Variants in PLXDC2 observed in about 807,000 individuals in gnomAD.
The protein encoded by PLXDC2 is plexin domain containing 2.
PLXDC2 carries 40 observed loss-of-function variants against 68.9 expected under a neutral mutation model. That is an observed-to-expected ratio of 0.58 (90% CI 0.45 to 0.76). The LOEUF (loss-of-function observed/expected upper bound fraction) is 0.76. Among genes scored for constraint, PLXDC2 ranks in the 30% least tolerant of loss-of-function variants. The pLI, the probability that PLXDC2 is intolerant of heterozygous loss-of-function variation, is 0.00. For missense variants in PLXDC2, 644 were observed against 661.9 expected (o/e 0.97, Z 0.30); for synonymous variants, 243 against 234.2 (o/e 1.04, Z -0.34).
At chr10:20,241,277 C>T (rs1588537965) in intron 12 of PLXDC2, among the ~76,000 whole-genome samples, 4 of 152,272 alleles carry the variant, frequency 2.6e-5, no homozygotes, top group East Asian at 3.9e-4. Context: ...TTGTTATATT[C>T]CAAACATTGG....
chr10:20,090,924 T>C (rs997409838), intron 4 of PLXDC2, among the ~76,000 whole-genome samples: 1 of 152,222 alleles, frequency 6.6e-6, no homozygotes, highest in South Asian at 2.1e-4. Flanking sequence ...GGTATTTTCC[T>C]TAGAAAATGC....
At chr10:20,057,938 G>T (rs1319505701) in intron 3 of PLXDC2, among the ~76,000 whole-genome samples, 1 of 151,728 alleles carries the variant, frequency 6.6e-6, no homozygotes, top group Non-Finnish European at 1.5e-5. Flanking sequence ...AAAAAGATGT[G>T]GGGGGCTCTT....
intron 6 of PLXDC2, among the ~76,000 whole-genome samples, chr10:20,159,998 T>A (rs1055073427): frequency 1.3e-5 from 2 of 152,212 alleles, no homozygotes; most frequent in Non-Finnish European, 2.9e-5. Flanking sequence ...CTATAGGTTT[T>A]ATGTTCACTT....
chr10:19,909,954 T>A (rs11594747), intron 1 of PLXDC2, among the ~76,000 whole-genome samples: 11,857 of 152,156 alleles, frequency 0.078, 529 homozygotes, highest in Non-Finnish European at 0.1. Context: ...ACCCCAAAAT[T>A]CTACTTGCAC....
intron 7 of PLXDC2, among the ~76,000 whole-genome samples, chr10:20,172,397 G>A (rs1351198760): frequency 3.3e-5 from 5 of 152,098 alleles, no homozygotes; most frequent in African/African-American, 1.2e-4. Context: ...TCACAGGCCC[G>A]CAGCCCACCT....
intron 12 of PLXDC2, among the ~76,000 whole-genome samples, chr10:20,242,567 T>C (rs1479910262): frequency 6.6e-6 from 1 of 152,184 alleles, no homozygotes; most frequent in Non-Finnish European, 1.5e-5. Context: ...CTGTAACCTA[T>C]TTCCAAAAGC....
At chr10:20,199,780 A>C (rs1301083492) in intron 9 of PLXDC2, among the ~76,000 whole-genome samples, 1 of 151,978 alleles carries the variant, frequency 6.6e-6, no homozygotes, top group Non-Finnish European at 1.5e-5. Flanking sequence ...TCAGAGAAGA[A>C]TTAAATGTGT....
chr10:20,008,374 G>A (rs1361613658), intron 2 of PLXDC2, among the ~76,000 whole-genome samples: 2 of 152,148 alleles, frequency 1.3e-5, no homozygotes, highest in Non-Finnish European at 2.9e-5. Flanking sequence ...GGCCAACATA[G>A]TGAAACCCTG....
chr10:20,194,250 A>G (rs1439550130), intron 9 of PLXDC2, among the ~76,000 whole-genome samples: 1 of 147,294 alleles, frequency 6.8e-6, no homozygotes, highest in Non-Finnish European at 1.5e-5. Context: ...CTCAAGCATG[A>G]AGTTTTTAAA....
intron 1 of PLXDC2, among the ~76,000 whole-genome samples, chr10:19,862,128 A>G (rs1270274774): frequency 6.6e-6 from 1 of 152,074 alleles, no homozygotes; most frequent in African/African-American, 2.4e-5. Flanking sequence ...AAAAGAATAT[A>G]ATAATTAAAA....
At chr10:19,992,104 A>T (rs1461637025) in intron 1 of PLXDC2, among the ~76,000 whole-genome samples, 1 of 152,236 alleles carries the variant, frequency 6.6e-6, no homozygotes, top group Admixed American at 6.5e-5. Flanking sequence ...CTAAACTATC[A>T]TAGCACATGA....
At chr10:20,117,398 T>C (rs919111953) in intron 4 of PLXDC2, among the ~76,000 whole-genome samples, 3 of 152,196 alleles carry the variant, frequency 2.0e-5, no homozygotes, top group African/African-American at 7.2e-5. Context: ...GATTATCTTA[T>C]GTGTTTGTGT....
intron 1 of PLXDC2, among the ~76,000 whole-genome samples, chr10:20,000,919 C>T (rs972690112): frequency 6.6e-6 from 1 of 152,170 alleles, no homozygotes; most frequent in Admixed American, 6.5e-5. Context: ...ATTTCCAATA[C>T]TTGTGGCATG....
chr10:19,821,033 T>C (rs1052985213), intron 1 of PLXDC2, among the ~76,000 whole-genome samples: 1 of 152,086 alleles, frequency 6.6e-6, no homozygotes, highest in Non-Finnish European at 1.5e-5. Flanking sequence ...CGAGCCGAGA[T>C]TGCACCATTG....
At chr10:19,857,840 A>G (rs1433221501) in intron 1 of PLXDC2, among the ~76,000 whole-genome samples, 1 of 152,212 alleles carries the variant, frequency 6.6e-6, no homozygotes, top group South Asian at 2.1e-4. Context: ...CCCAATTTAT[A>G]ATGAATCAAC....
rs71200986 is a variant in PLXDC2 at position 20,149,229 on chromosome 10, CTTTTTTT to C, written c.783+1347_783+1353del. ...ATTTTTCTTTCTTTTTTTTTCTTTT[CTTTTTTT>C]TTTTTTTTTTTTTTTTTTTGAGTTG... On this transcript the variant is annotated intron_variant, in intron 6 of 13. Transcript: ENST00000377252. Among the ~76,000 whole-genome samples, 7 of 34,938 alleles carry C rather than the reference CTTTTTTT, an allele frequency of 2.0e-4. No individual in the cohort carries two copies. The Admixed American group carries it at 2.8e-3, about 14-fold the overall frequency. 22.9% of individuals were successfully genotyped at this position (34,938 alleles called of 152,430 possible). A position where few individuals can be genotyped will look rare whatever the true frequency, so the allele number is the denominator to read the frequency against.
intron 1 of PLXDC2, among the ~76,000 whole-genome samples, chr10:19,909,274 G>A (rs763806591): frequency 5.3e-5 from 8 of 152,178 alleles, no homozygotes; most frequent in African/African-American, 1.7e-4. Context: ...AGATGAGATC[G>A]TGAAGCTAAT....
chr10:20,240,025 G>A (rs1476960488), intron 12 of PLXDC2, among the ~76,000 whole-genome samples: 1 of 152,126 alleles, frequency 6.6e-6, no homozygotes, highest in Non-Finnish European at 1.5e-5. Flanking sequence ...TATTTCATTA[G>A]CCAGGTAATA....
intron 3 of PLXDC2, among the ~76,000 whole-genome samples, chr10:20,049,274 G>A (rs1215202010): frequency 1.3e-5 from 2 of 152,014 alleles, no homozygotes; most frequent in Non-Finnish European, 2.9e-5. Flanking sequence ...GGCAAAAGCT[G>A]AAACATTCCC....
Sources: allele counts gnomAD v4.1 joint callset (sites outside exome capture counted in the v4.1 genomes callset), GRCh38; gene constraint gnomAD v4.1.1; transcripts MANE v1.5; gene names NCBI Gene and HGNC (gene_info 2026-07-23, HGNC 2026-07-21).